Variants in NFATC4 observed in about 807,000 individuals in gnomAD.
NFATC4 encodes nuclear factor of activated T-cells, cytoplasmic 4.
In NFATC4, 25 loss-of-function variants were observed where a neutral mutation model predicts 73.4. The observed-to-expected ratio is 0.34, with a 90% CI of 0.25 to 0.48. The LOEUF (loss-of-function observed/expected upper bound fraction) is 0.48, where lower values mean the gene tolerates loss of function less well. NFATC4 is among the 20% of genes least tolerant of loss of function. The pLI, the probability that NFATC4 is intolerant of heterozygous loss-of-function variation, is 0.99. For synonymous variants in NFATC4, 523 were observed against 510.3 expected (o/e 1.02, Z -0.34); for missense variants, 1,130 against 1,203.7 (o/e 0.94, Z 0.91).
In NFATC4 at chr14:24,370,468, G is replaced by A; in HGVS notation, c.1070G>A (p.Gly357Glu). Reference sequence around the variant, plus strand: ...TCATGCAATGGGAAGCTGCCCTTGGGAGCAGAGGAGTCTGTGGCTCCTCCA... The same window carrying A: ...TCATGCAATGGGAAGCTGCCCTTGGAAGCAGAGGAGTCTGTGGCTCCTCCA... Reference protein sequence around the residue: ...PASCNGKLPLGAEESVAPPGG... With the variant: ...PASCNGKLPLEAEESVAPPGG... The change falls in exon 2 of 10, where the codon GGA (glycine) becomes GAA (glutamate). Residue 357 changes from glycine (G) to glutamate (E), a missense_variant. By Grantham distance (98) the Gly-to-Glu change is moderately conservative. This residue lies in a region of NFATC4 where 585 missense variants were observed against 574.3 expected (regional missense o/e 1.02). Transcript: ENST00000250373. 1.2e-6 allele frequency: 2 copies of A among 1,614,188 alleles called. No homozygotes were observed. The highest frequency in any genetic ancestry group is 1.7e-6 in the Non-Finnish European group (2 of 1,180,026).
chr14:24,369,122 G>A (rs2042390712), intron 1 of NFATC4: 1 of 1,437,192 alleles, frequency 7.0e-7, no homozygotes, highest in Non-Finnish European at 9.1e-7. Flanking sequence ...AGCGCCGTTT[G>A]GGGGTTTGGG....
intron 3 of NFATC4, chr14:24,372,901 G>A (rs1240405381): frequency 1.7e-6 from 1 of 597,448 alleles, no homozygotes; most frequent in African/African-American, 1.9e-5. Flanking sequence ...GTCACTGGGA[G>A]TTAAGTTTTC....
chr14:24,375,752 G>T, intron 7 of NFATC4, 37 bp downstream of exon 7: 2 of 1,411,644 alleles, frequency 1.4e-6, no homozygotes, highest in South Asian at 1.2e-5. Flanking sequence ...GGGGGGCGGG[G>T]GTGGGAGAAG....
rs1337445622 is a variant in NFATC4 at position 24,378,267 on chromosome 14, T to A, written c.*562T>A. The A allele has an allele frequency of 6.3e-6, 1 of 159,036 alleles. No homozygotes were observed. The highest frequency in any genetic ancestry group is 1.4e-5 in the Non-Finnish European group (1 of 71,188). The allele number at this position is 159,036 out of a possible 1,614,324, so 9.9% of individuals were successfully genotyped here. On this transcript the variant is annotated 3_prime_UTR_variant, in exon 10 of 10. Coordinates refer to ENST00000250373, the MANE Select transcript of NFATC4 (RefSeq NM_004554.5). ...TTGGGGGCCAGGGCTTGAGTAGGCC[T>A]CTCCACTCTCCTCCTTGGGGGTCCA...
intron 1 of NFATC4, chr14:24,368,852 G>A (rs998225943): frequency 1.6e-4 from 29 of 180,916 alleles, no homozygotes; most frequent in Non-Finnish European, 2.8e-4. Context: ...TCGCTGGGGC[G>A]CCCCTCCCCC....
intron 1 of NFATC4, chr14:24,369,118 G>T (rs1448332666): frequency 2.1e-6 from 3 of 1,436,562 alleles, no homozygotes; most frequent in Non-Finnish European, 2.7e-6. Flanking sequence ...TGCCAGCGCC[G>T]TTTGGGGGTT....
Position 24,369,978 on chromosome 14 carries a change from G to C in NFATC4, c.580G>C (p.Ala194Pro). 6.2e-7 allele frequency: 1 copy of C among 1,612,946 alleles called. No individual in the cohort carries two copies. The highest frequency in any genetic ancestry group is 8.5e-7 in the Non-Finnish European group (1 of 1,179,984). The change falls in exon 2 of 10, where the codon GCC becomes CCC. Residue 194 changes from alanine to proline, a missense_variant. Physicochemically the swap from Ala to Pro is conservative, Grantham distance 27. Transcript: ENST00000250373. ...DASDEAALYA[A>P]CDEVESELNE... ...CTCTGACGAGGCAGCCCTGTATGCA[G>C]CCTGCGACGAGGTGGAGTCTGAGCT... is the stretch of plus-strand genomic sequence containing the variant.
In NFATC4 at chr14:24,372,233, G is replaced by A. The variant is rs925169847; in HGVS notation, c.1197-208G>A. ...TGTCCCCTACTTCCCCTTGCTTCTG[G>A]ACTTTTGGATTTCTTCATTTCTTTG... On this transcript the variant is annotated intron_variant, in intron 2 of 9. Coordinates refer to ENST00000250373, the MANE Select transcript of NFATC4 (RefSeq NM_004554.5). 14 of 578,860 alleles carry A rather than the reference G, an allele frequency of 2.4e-5. No homozygotes were observed. The African/African-American group carries it at 2.6e-4, about 11-fold the overall frequency. 35.9% of individuals were successfully genotyped at this position (578,860 alleles called of 1,614,324 possible).
upstream of NFATC4, chr14:24,367,350 G>A (rs1366641010): frequency 1.3e-6 from 2 of 1,536,762 alleles, no homozygotes. Context: ...GGATGCTATC[G>A]GGTCAGAGAT....
rs564241423 is a variant in NFATC4 at position 24,377,217 on chromosome 14, G to C, written c.2641+339G>C. 209 of 1,259,958 alleles carry C rather than the reference G, an allele frequency of 1.7e-4. 2 individuals carry two copies. The South Asian group carries it at 5.9e-3, about 36-fold the overall frequency. 78.0% of individuals were successfully genotyped at this position (1,259,958 alleles called of 1,614,324 possible). A position where few individuals can be genotyped will look rare whatever the true frequency, so the allele number is the denominator to read the frequency against. On this transcript the variant is annotated intron_variant, in intron 9 of 9. Coordinates refer to ENST00000250373, the MANE Select transcript of NFATC4 (RefSeq NM_004554.5). The surrounding 1 kb of genome is among the most constrained non-coding windows in gnomAD (Gnocchi z 4.2). ...TAGGCGTTGAGTTCCAGAGAGGGAT[G>C]GTAGCTTGCTGAGGTCCCAGTCAAG...
chr14:24,374,043 G>A (rs1291758429), intron 5 of NFATC4, 176 bp downstream of exon 5: 8 of 1,046,560 alleles, frequency 7.6e-6, no homozygotes, highest in Non-Finnish European at 1.0e-5. Flanking sequence ...CTCTGTCTCT[G>A]GGGTGGCCCA....
At chr14:24,375,244 T>A (rs926687334) in intron 6 of NFATC4, among the ~76,000 whole-genome samples, 1 of 152,138 alleles carries the variant, frequency 6.6e-6, no homozygotes, top group Admixed American at 6.5e-5. Context: ...CCTGGGACCA[T>A]GTCAGAGCTT....
chr14:24,374,184 T>G lies in NFATC4; in HGVS notation c.1733-142T>G. Reference sequence around the variant, plus strand: ...TACATGGTGTATGTGACTCCATGGATATTACTGGTTTATTTGTGTGTCTAC... The same window carrying G: ...TACATGGTGTATGTGACTCCATGGAGATTACTGGTTTATTTGTGTGTCTAC... On this transcript the variant is annotated intron_variant, in intron 5 of 9. Coordinates refer to ENST00000250373, the MANE Select transcript of NFATC4 (RefSeq NM_004554.5). 4 of 1,074,576 alleles carry G rather than the reference T, an allele frequency of 3.7e-6. No individual in the cohort carries two copies. The South Asian group carries it at 5.9e-5, about 16-fold the overall frequency. The allele number at this position is 1,074,576 out of a possible 1,614,324, so 66.6% of individuals were successfully genotyped here. A position where few individuals can be genotyped will look rare whatever the true frequency, so the allele number is the denominator to read the frequency against.
At chr14:24,369,181 G>A in intron 1 of NFATC4, 2 of 1,510,856 alleles carry the variant, frequency 1.3e-6, no homozygotes. Flanking sequence ...GTCCAGCCCA[G>A]TGCCTCAAGA....
Position 24,377,209 on chromosome 14 carries a change from A to C in NFATC4, c.2641+331A>C. 1 of 1,264,368 alleles carries C rather than the reference A, an allele frequency of 7.9e-7. No individual in the cohort carries two copies. The highest frequency in any genetic ancestry group is 1.5e-5 in the African/African-American group (1 of 66,016). 78.3% of individuals were successfully genotyped at this position (1,264,368 alleles called of 1,614,324 possible). On this transcript the variant is annotated intron_variant, in intron 9 of 9. Transcript: ENST00000250373. The surrounding 1 kb of genome is among the most constrained non-coding windows in gnomAD (Gnocchi z 4.2). ...TGCAAGTTTAGGCGTTGAGTTCCAGAGAGGGATGGTAGCTTGCTGAGGTCC... is the reference window on the plus strand; with the variant it reads ...TGCAAGTTTAGGCGTTGAGTTCCAGCGAGGGATGGTAGCTTGCTGAGGTCC...
At chr14:24,372,671 A>G (rs2042504713) in intron 3 of NFATC4, 68 bp downstream of exon 3, 2 of 1,584,916 alleles carry the variant, frequency 1.3e-6, no homozygotes, top group African/African-American at 1.3e-5. Context: ...ATGCAGACAC[A>G]TGGCACTGCC....
intron 5 of NFATC4, 87 bp from the exon 6 acceptor site, chr14:24,374,239 G>A (rs927737990): frequency 1.5e-5 from 23 of 1,493,824 alleles, no homozygotes; most frequent in Non-Finnish European, 1.8e-5. Flanking sequence ...AGAGCCCTGT[G>A]GCAGTTTTCC....
chr14:24,367,637 G>C, upstream of NFATC4: 1 of 1,536,080 alleles, frequency 6.5e-7, no homozygotes, highest in Non-Finnish European at 8.7e-7. Context: ...CAGAAGGCCC[G>C]GGCAGAGTAG....
chr14:24,370,784 T>G (rs2042454964), intron 2 of NFATC4, among the ~76,000 whole-genome samples, 190 bp downstream of exon 2: 1 of 152,142 alleles, frequency 6.6e-6, no homozygotes, highest in Non-Finnish European at 1.5e-5. Flanking sequence ...CTCTGGATGA[T>G]TTACAAGAGG....
Sources: gnomAD v4.1 joint callset for allele counts (sites outside exome capture counted in the v4.1 genomes callset) on GRCh38, gnomAD v4.1.1 for gene constraint, gnomAD v4.1.1 regional missense constraint, Gnocchi (gnomAD v3.1) non-coding constraint, MANE v1.5 for transcripts, NCBI Gene and HGNC (gene_info 2026-07-23, HGNC 2026-07-21) for gene names.